The following MACROD2 variants were observed in gnomAD, a reference collection of about 807,000 sequenced individuals.
MACROD2 encodes mono-ADP ribosylhydrolase 2.
MACROD2 carries 36 observed loss-of-function variants against 70.4 expected under a neutral mutation model. The observed-to-expected ratio is 0.51, with a 90% CI of 0.39 to 0.68. The LOEUF (loss-of-function observed/expected upper bound fraction) is 0.68, where lower values mean the gene tolerates loss of function less well. MACROD2 is among the 30% of genes least tolerant of loss of function. The probability of loss-of-function intolerance (pLI) is 0.00; values close to 1 mark genes in which losing one functional copy is unlikely to be tolerated. For synonymous variants in MACROD2, 172 were observed against 178.8 expected (o/e 0.96, Z 0.30); for missense variants, 496 against 538.4 (o/e 0.92, Z 0.78).
intron 5 of MACROD2, among the ~76,000 whole-genome samples, chr20:14,738,585 A>G (rs1002739001): frequency 2.0e-5 from 3 of 152,174 alleles, no homozygotes; most frequent in African/African-American, 7.2e-5. Context: ...AAACATAGAT[A>G]TTTGACACAT....
intron 3 of MACROD2, among the ~76,000 whole-genome samples, chr20:14,220,714 C>T (rs2122166144): frequency 6.6e-6 from 1 of 152,274 alleles, no homozygotes; most frequent in African/African-American, 2.4e-5. Context: ...CATCCTCTAC[C>T]CCTGTATTTT....
At chr20:14,408,634 C>G (rs770080309) in intron 3 of MACROD2, among the ~76,000 whole-genome samples, 2 of 152,094 alleles carry the variant, frequency 1.3e-5, no homozygotes, top group Non-Finnish European at 2.9e-5. Flanking sequence ...CATGGGTGGA[C>G]CCAAAGAGAA....
At chr20:15,057,111 A>T (rs957344514) in intron 5 of MACROD2, among the ~76,000 whole-genome samples, 20 of 152,166 alleles carry the variant, frequency 1.3e-4, no homozygotes, top group African/African-American at 3.9e-4. Flanking sequence ...TATATTTTTT[A>T]AAAAAGTGTG....
chr20:15,924,847 A>T (rs1229079409), intron 10 of MACROD2, among the ~76,000 whole-genome samples: 2 of 152,270 alleles, frequency 1.3e-5, no homozygotes, highest in African/African-American at 4.8e-5. Context: ...ATCTGCACAG[A>T]GCACAGTGTG....
chr20:14,937,778 T>C (rs2074353658), intron 5 of MACROD2, among the ~76,000 whole-genome samples: 1 of 152,140 alleles, frequency 6.6e-6, no homozygotes, highest in Admixed American at 6.6e-5. Flanking sequence ...CACAAGGTCT[T>C]ATTTCTTCTA....
chr20:14,859,004 G>A (rs2073285408), intron 5 of MACROD2, among the ~76,000 whole-genome samples: 2 of 152,078 alleles, frequency 1.3e-5, no homozygotes. Context: ...TCCATGCAGT[G>A]CCATCTAATA....
chr20:14,410,955 A>C (rs1333800151), intron 3 of MACROD2, among the ~76,000 whole-genome samples: 4 of 152,108 alleles, frequency 2.6e-5, no homozygotes. Flanking sequence ...CTACCCAGAC[A>C]GTGGGACTGT....
intron 3 of MACROD2, among the ~76,000 whole-genome samples, chr20:14,219,251 CTTTG>C (rs1452637605): frequency 6.6e-6 from 1 of 151,902 alleles, no homozygotes; most frequent in African/African-American, 2.4e-5. Context: ...TTTTCTTTGT[CTTTG>C]TTAGCTTGGG....
intron 5 of MACROD2, among the ~76,000 whole-genome samples, chr20:15,191,163 G>C (rs1291004390): frequency 6.6e-6 from 1 of 152,152 alleles, no homozygotes; most frequent in African/African-American, 2.4e-5. Flanking sequence ...CATTTCCACT[G>C]AGGTTCCTCT....
chr20:14,093,646 G>A (rs1256163581), intron 3 of MACROD2, among the ~76,000 whole-genome samples: 2 of 147,962 alleles, frequency 1.4e-5, no homozygotes, highest in Admixed American at 1.4e-4. Flanking sequence ...CCTAAATAGA[G>A]GAGTAAGAAA....
intron 5 of MACROD2, among the ~76,000 whole-genome samples, chr20:15,031,098 C>T (rs1355440556): frequency 6.6e-6 from 1 of 152,206 alleles, no homozygotes; most frequent in African/African-American, 2.4e-5. Context: ...GTGGGGCGGG[C>T]AGCACCAGGT....
At chr20:14,810,440 C>A (rs942305551) in intron 5 of MACROD2, among the ~76,000 whole-genome samples, 1 of 152,032 alleles carries the variant, frequency 6.6e-6, no homozygotes, top group African/African-American at 2.4e-5. Context: ...GAATGTATCT[C>A]AAAATAATAA....
intron 5 of MACROD2, among the ~76,000 whole-genome samples, chr20:14,960,098 T>A (rs1481862480): frequency 6.6e-6 from 1 of 152,018 alleles, no homozygotes; most frequent in Admixed American, 6.6e-5. Context: ...ACTCAAGGGG[T>A]CATATTCCTG....
At chr20:15,361,892 G>A (rs932256530) in intron 6 of MACROD2, among the ~76,000 whole-genome samples, 59 of 151,504 alleles carry the variant, frequency 3.9e-4, no homozygotes, top group African/African-American at 1.4e-3. Context: ...TGATTTTTTT[G>A]TTACTCTTGT....
intron 5 of MACROD2, among the ~76,000 whole-genome samples, chr20:15,117,634 A>G (rs1477486889): frequency 6.6e-6 from 1 of 152,312 alleles, no homozygotes; most frequent in Non-Finnish European, 1.5e-5. Flanking sequence ...TGCGTTGACC[A>G]TCTTCATATC....
chr20:15,433,045 G>C (rs1261819650), intron 7 of MACROD2, among the ~76,000 whole-genome samples: 2 of 151,756 alleles, frequency 1.3e-5, no homozygotes, highest in Admixed American at 6.6e-5. Context: ...GCATAGAAGG[G>C]ACTTACATTA....
At chr20:15,180,011 C>T (rs2076489274) in intron 5 of MACROD2, among the ~76,000 whole-genome samples, 1 of 152,222 alleles carries the variant, frequency 6.6e-6, no homozygotes, top group Admixed American at 6.5e-5. Flanking sequence ...CTCTTGCTTA[C>T]TCTTCATATG....
At chr20:15,844,873 T>A (rs2064213229) in intron 8 of MACROD2, among the ~76,000 whole-genome samples, 1 of 152,128 alleles carries the variant, frequency 6.6e-6, no homozygotes, top group African/African-American at 2.4e-5. Context: ...TATTTTTTTT[T>A]ATCAGAAATA....
intron 5 of MACROD2, among the ~76,000 whole-genome samples, chr20:14,981,434 A>ATATATGTATATG (rs2074798679): frequency 3.8e-5 from 2 of 52,146 alleles, no homozygotes; most frequent in Non-Finnish European, 7.2e-5. Flanking sequence ...ATGTATATGT[A>ATATATGTATATG]TATATATATA....
Sources: allele counts gnomAD v4.1 joint callset (sites outside exome capture counted in the v4.1 genomes callset), GRCh38; gene constraint gnomAD v4.1.1; transcripts MANE v1.5; gene names NCBI Gene and HGNC (gene_info 2026-07-23, HGNC 2026-07-21).